Variants in NELL1 observed in about 807,000 individuals in gnomAD.
NELL1 encodes the protein neural EGFL like 1.
In NELL1, 76 loss-of-function variants were observed where a neutral mutation model predicts 107.4. That is an observed-to-expected ratio of 0.71 (90% CI 0.59 to 0.86). NELL1 has a LOEUF of 0.86. Among genes scored for constraint, NELL1 ranks in the 40% least tolerant of loss-of-function variants. NELL1 has a pLI of 0.00. For missense variants in NELL1, 1,024 were observed against 1,005.5 expected, an observed-to-expected ratio of 1.02 and a Z score of -0.25; for synonymous variants, 353 against 341.2, an observed-to-expected ratio of 1.03 and a Z score of -0.38.
chr11:20,671,012 G>C (rs867206604), intron 1 of NELL1: 17 of 152,452 alleles, frequency 1.1e-4, no homozygotes, highest in African/African-American at 4.1e-4. Context: ...CTAGCGTCTA[G>C]GAGCTTTCAG....
intron 9 of NELL1, among the ~76,000 whole-genome samples, chr11:20,932,031 C>A (rs558069771): frequency 1.3e-5 from 2 of 152,240 alleles, no homozygotes; most frequent in East Asian, 3.9e-4. Context: ...ATGAGGGCGT[C>A]TGTTTGGAAA....
chr11:20,946,652 A>G (rs1850967772), intron 10 of NELL1, among the ~76,000 whole-genome samples: 1 of 152,144 alleles, frequency 6.6e-6, no homozygotes, highest in Non-Finnish European at 1.5e-5. Context: ...TATTCCACTA[A>G]TCAAGTTCCC....
intron 16 of NELL1, among the ~76,000 whole-genome samples, chr11:21,534,943 G>C (rs138443855): frequency 9.1e-4 from 139 of 152,224 alleles, no homozygotes; most frequent in African/African-American, 3.2e-3. Flanking sequence ...AGTCACTATA[G>C]TCTCTAATCC....
chr11:20,761,570 C>T (rs1311169898), intron 2 of NELL1, among the ~76,000 whole-genome samples: 1 of 152,184 alleles, frequency 6.6e-6, no homozygotes, highest in African/African-American at 2.4e-5. Context: ...TTGTAAAGCT[C>T]CACAAACAAA....
intron 16 of NELL1, among the ~76,000 whole-genome samples, chr11:21,539,005 C>T (rs533157488): frequency 6.6e-6 from 1 of 152,220 alleles, no homozygotes; most frequent in South Asian, 2.1e-4. Flanking sequence ...CCCTGACTAT[C>T]CCCATAGCCC....
chr11:21,099,192 A>AACACACACACACACACACAC (rs59848133), intron 12 of NELL1, among the ~76,000 whole-genome samples: 3 of 141,862 alleles, frequency 2.1e-5, no homozygotes, highest in Non-Finnish European at 3.1e-5. Context: ...GACACTGAAC[A>AACACACACACACACACACAC]ACACACACAC....
intron 5 of NELL1, among the ~76,000 whole-genome samples, chr11:20,915,613 A>C (rs1013569389): frequency 6.7e-6 from 1 of 148,774 alleles, no homozygotes; most frequent in Non-Finnish European, 1.5e-5. Flanking sequence ...AGAAATAATA[A>C]AAATTTTGTC....
intron 1 of NELL1, among the ~76,000 whole-genome samples, chr11:20,673,854 T>TTTA: frequency 6.6e-6 from 1 of 151,986 alleles, no homozygotes; most frequent in East Asian, 1.9e-4. Context: ...TTTTTTTTTT[T>TTTA]ATGAGACCAC....
chr11:20,768,368 G>A (rs1856576421), intron 2 of NELL1, among the ~76,000 whole-genome samples: 1 of 152,226 alleles, frequency 6.6e-6, no homozygotes, highest in Admixed American at 6.5e-5. Flanking sequence ...GCACAAGGAT[G>A]GCCCATGTGG....
chr11:21,284,117 C>T (rs1849057412), intron 14 of NELL1: 2 of 395,564 alleles, frequency 5.1e-6, no homozygotes, highest in Middle Eastern at 4.5e-4. Context: ...TCATTGAAAC[C>T]GTGTGGCTTT....
intron 3 of NELL1, among the ~76,000 whole-genome samples, chr11:20,832,192 A>T (rs1858025692): frequency 6.6e-6 from 1 of 152,182 alleles, no homozygotes; most frequent in Non-Finnish European, 1.5e-5. Context: ...TCTGGGCTGC[A>T]TCTTCTAAGC....
intron 2 of NELL1, among the ~76,000 whole-genome samples, chr11:20,746,641 T>C (rs79122434): frequency 0.045 from 6,824 of 151,986 alleles, 508 homozygotes; most frequent in African/African-American, 0.15. Flanking sequence ...CTCATCCTAT[T>C]GTTTTTGCCA....
chr11:21,466,110 G>A (rs1854023130), intron 15 of NELL1, among the ~76,000 whole-genome samples: 1 of 152,082 alleles, frequency 6.6e-6, no homozygotes, highest in Non-Finnish European at 1.5e-5. Context: ...AGGCCACATA[G>A]CTAATTAGTG....
intron 13 of NELL1, among the ~76,000 whole-genome samples, chr11:21,226,551 T>C (rs1469484490): frequency 6.6e-6 from 1 of 152,208 alleles, no homozygotes; most frequent in Non-Finnish European, 1.5e-5. Context: ...TTAAATGGTA[T>C]AATATGCCTA....
At chr11:21,097,924 G>T (rs1854689618) in intron 12 of NELL1, among the ~76,000 whole-genome samples, 1 of 150,286 alleles carries the variant, frequency 6.7e-6, no homozygotes, top group Non-Finnish European at 1.5e-5. Context: ...TATCTCATTT[G>T]TGTTTTTTAA....
intron 12 of NELL1, among the ~76,000 whole-genome samples, chr11:20,973,325 C>G (rs1393646272): frequency 2.6e-5 from 4 of 152,102 alleles, no homozygotes; most frequent in Non-Finnish European, 5.9e-5. Context: ...CCAGGCTGGT[C>G]TCAAACTCCT....
intron 14 of NELL1, among the ~76,000 whole-genome samples, chr11:21,261,890 T>C (rs559869739): frequency 6.6e-5 from 10 of 151,948 alleles, no homozygotes; most frequent in African/African-American, 2.2e-4. Flanking sequence ...AATTGGTGTT[T>C]TCGTTCAGAT....
intron 15 of NELL1, among the ~76,000 whole-genome samples, chr11:21,423,470 AAAAT>A (rs1295948695): frequency 5.9e-5 from 9 of 152,282 alleles, no homozygotes; most frequent in African/African-American, 1.7e-4. Flanking sequence ...ATAAAAAACA[AAAAT>A]AAATAAAACA....
intron 5 of NELL1, among the ~76,000 whole-genome samples, chr11:20,916,223 T>C (rs1186533257): frequency 6.6e-6 from 1 of 151,924 alleles, no homozygotes; most frequent in Admixed American, 6.6e-5. Context: ...GTCAACATCA[T>C]TGACCTTCAC....
Sources: gnomAD v4.1 joint callset for allele counts (sites outside exome capture counted in the v4.1 genomes callset) on GRCh38, gnomAD v4.1.1 for gene constraint, MANE v1.5 for transcripts, NCBI Gene and HGNC (gene_info 2026-07-23, HGNC 2026-07-21) for gene names.